CTSO: variants seen among roughly 807,000 people sequenced by gnomAD.
CTSO encodes cathepsin O.
In CTSO, 40 loss-of-function variants were observed where a neutral mutation model predicts 42.4. The ratio of observed to expected loss-of-function variants is 0.94; its 90% confidence interval spans 0.73 to 1.23. CTSO has a LOEUF of 1.23. Among genes scored for constraint, CTSO ranks in the 50% most tolerant of loss-of-function variants. The pLI, the probability that CTSO is intolerant of heterozygous loss-of-function variation, is 0.00. For synonymous variants in CTSO, 156 were observed against 146.2 expected (o/e 1.07, Z -0.48); for missense variants, 441 against 396.0 (o/e 1.11, Z -0.96).
In CTSO at chr4:155,936,922, T is replaced by C. The variant is rs146464162; in HGVS notation, c.674+440A>G. Among the ~76,000 whole-genome samples the C allele has an allele frequency of 1.1e-4, 17 of 152,332 alleles. No homozygotes were observed. In the East Asian group the frequency reaches 2.9e-3, roughly 26 times the overall value. On this transcript the variant is annotated intron_variant, in intron 5 of 7. Coordinates refer to ENST00000433477, the MANE Select transcript of CTSO (RefSeq NM_001334.3). ...GGTGTTCAAAATATGCTTCCTGATATGTAGCCTACGTGATATTAGCTGCAC... is the reference window on the plus strand; with the variant it reads ...GGTGTTCAAAATATGCTTCCTGATACGTAGCCTACGTGATATTAGCTGCAC...
chr4:155,926,075 G>A lies in CTSO; in HGVS notation c.932-5C>T. 6.8e-7 allele frequency: 1 copy of A among 1,480,860 alleles called. No homozygotes were observed. The highest frequency in any genetic ancestry group is 9.1e-7 in the Non-Finnish European group (1 of 1,104,308). The allele number at this position is 1,480,860 out of a possible 1,614,324, so 91.7% of individuals were successfully genotyped here. ...AAGAAACGGAATCTGCAATACCTAAGGGAAAAAAAAGGAATTATTAGTCTA... is the reference window on the plus strand; with the variant it reads ...AAGAAACGGAATCTGCAATACCTAAAGGAAAAAAAAGGAATTATTAGTCTA... On this transcript the variant is annotated splice_polypyrimidine_tract_variant and splice_region_variant and intron_variant, in intron 7 of 7. Coordinates refer to ENST00000433477, the MANE Select transcript of CTSO (RefSeq NM_001334.3).
At chr4:155,931,146 C>A (rs952735261) in intron 5 of CTSO, among the ~76,000 whole-genome samples, 2 of 152,134 alleles carry the variant, frequency 1.3e-5, no homozygotes, top group African/African-American at 4.8e-5. Context: ...TCCCTCATTT[C>A]TAACTTATCT....
chr4:155,946,431 C>T (rs562382382), intron 1 of CTSO, among the ~76,000 whole-genome samples: 1 of 152,096 alleles, frequency 6.6e-6, no homozygotes, highest in African/African-American at 2.4e-5. Context: ...ATGATGATTC[C>T]AATAACAGTT....
chr4:155,953,427 G>A (rs543136551), intron 1 of CTSO, among the ~76,000 whole-genome samples: 1 of 152,204 alleles, frequency 6.6e-6, no homozygotes, highest in Non-Finnish European at 1.5e-5. Context: ...CACTTTGGAC[G>A]TATCTATGGA....
chr4:155,952,933 T>C lies in CTSO; in HGVS notation c.135+780A>G, dbSNP rs930492260. Among the ~76,000 whole-genome samples, 3 of 152,300 alleles carry C rather than the reference T, an allele frequency of 2.0e-5. No individual in the cohort carries two copies. The East Asian group carries it at 5.8e-4, about 29-fold the overall frequency. ...TAAATAGTATCAGCTATCTAGAACA[T>C]AGTGAGGCGAACACTAAATCGGCAT... On this transcript the variant is annotated intron_variant, in intron 1 of 7. Coordinates refer to ENST00000433477, the MANE Select transcript of CTSO (RefSeq NM_001334.3).
At chr4:155,942,517 T>A in intron 2 of CTSO, 61 bp from the exon 3 acceptor site, 1 of 724,858 alleles carries the variant, frequency 1.4e-6, no homozygotes, top group Non-Finnish European at 1.8e-6. Flanking sequence ...TTATATTATA[T>A]ATATCATATA....
In CTSO at chr4:155,937,346, A is replaced by G; in HGVS notation, c.674+16T>C. ...AAAAATGTATAAAGAAAAACATAAT[A>G]CAATAAGATCTTTACCTGAAGTCAT... is the stretch of plus-strand genomic sequence containing the variant. On this transcript the variant is annotated intron_variant, in intron 5 of 7. Coordinates refer to ENST00000433477, the MANE Select transcript of CTSO (RefSeq NM_001334.3). 1.3e-6 allele frequency: 2 copies of G among 1,583,978 alleles called. No individual in the cohort carries two copies. The highest frequency in any genetic ancestry group is 1.1e-5 in the South Asian group (1 of 88,372).
chr4:155,929,815 G>T, intron 5 of CTSO, 110 bp from the exon 6 acceptor site: 1 of 1,011,528 alleles, frequency 9.9e-7, no homozygotes, highest in South Asian at 1.8e-5. Flanking sequence ...CAGTTACAAA[G>T]GACCTAAACA....
chr4:155,944,955 T>TAA lies in CTSO; in HGVS notation c.136-1693_136-1692dup, dbSNP rs34358651. Among the ~76,000 whole-genome samples the TAA allele has an allele frequency of 4.9e-3, 574 of 117,566 alleles. 5 individuals are homozygous for TAA. The highest frequency in any genetic ancestry group is 5.6e-3 in the African/African-American group (171 of 30,490). The allele number at this position is 117,566 out of a possible 152,430, so 77.1% of individuals were successfully genotyped here. On this transcript the variant is annotated intron_variant, in intron 1 of 7. Transcript: ENST00000433477. ...CACAGGAATTGCTCCTGTGATTGAT[T>TAA]AAAAAAAAAAAAAAAAAAAGCCTGG...
At chr4:155,943,630 C>T (rs1743480254) in intron 1 of CTSO, among the ~76,000 whole-genome samples, 1 of 152,082 alleles carries the variant, frequency 6.6e-6, no homozygotes, top group Admixed American at 6.6e-5. Context: ...TAGACATTCA[C>T]TCATGTGGTT....
At chr4:155,930,940 G>A (rs1743223980) in intron 5 of CTSO, among the ~76,000 whole-genome samples, 1 of 152,030 alleles carries the variant, frequency 6.6e-6, no homozygotes, top group Non-Finnish European at 1.5e-5. Flanking sequence ...ATTTTTAAAA[G>A]GCATCATGAT....
At chr4:155,935,175 C>T (rs1025727933) in intron 5 of CTSO, among the ~76,000 whole-genome samples, 3 of 152,266 alleles carry the variant, frequency 2.0e-5, no homozygotes, top group South Asian at 2.1e-4. Context: ...TTGCTTCTTC[C>T]TCATTTTCTC....
Position 155,947,584 on chromosome 4 carries a change from A to G in CTSO, c.136-4320T>C, listed in dbSNP as rs576459222. 1.4e-3 allele frequency among the ~76,000 whole-genome samples: 218 copies of G among 152,346 alleles called. 1 individual carries two copies. Among genetic ancestry groups the G allele is most frequent in the African/African-American group, 5.0e-3 (207 of 41,576 alleles). On this transcript the variant is annotated intron_variant, in intron 1 of 7. Coordinates refer to ENST00000433477, the MANE Select transcript of CTSO (RefSeq NM_001334.3). The stretch of plus-strand genomic sequence containing the variant: ...TTATTTATTGTCTTGTTTGCTATAC[A>G]CTTATCAAGTTCACTAACATGGGTT...
chr4:155,942,618 T>C (rs976965848), intron 2 of CTSO, among the ~76,000 whole-genome samples, 162 bp from the exon 3 acceptor site: 1 of 151,176 alleles, frequency 6.6e-6, no homozygotes, highest in African/African-American at 2.4e-5. Flanking sequence ...TTATATTATA[T>C]CCTTGAGATT....
In CTSO at chr4:155,937,284, TCAAA is replaced by T. The variant is rs1194270185; in HGVS notation, c.674+74_674+77del. 22 of 1,227,454 alleles carry T rather than the reference TCAAA, an allele frequency of 1.8e-5. No individual in the cohort carries two copies. In the Admixed American group the frequency reaches 3.0e-4, roughly 17 times the overall value. 76.0% of individuals were successfully genotyped at this position (1,227,454 alleles called of 1,614,324 possible). ...GGATTAAGAGTATGCAGTGATGCCT[TCAAA>T]CAAATTATTAACCAGTCAATAGATC... On this transcript the variant is annotated intron_variant, in intron 5 of 7. Coordinates refer to ENST00000433477, the MANE Select transcript of CTSO (RefSeq NM_001334.3).
At chr4:155,947,751 T>C (rs144481421) in intron 1 of CTSO, among the ~76,000 whole-genome samples, 155 of 152,306 alleles carry the variant, frequency 1.0e-3, no homozygotes, top group African/African-American at 3.7e-3. Flanking sequence ...ATGAGGCCCT[T>C]GCTGCTCATT....
At chr4:155,946,839 C>G (rs1303533159) in intron 1 of CTSO, among the ~76,000 whole-genome samples, 1 of 152,156 alleles carries the variant, frequency 6.6e-6, no homozygotes, top group Non-Finnish European at 1.5e-5. Flanking sequence ...TTGGAGGCTT[C>G]TGAACACAGC....
intron 4 of CTSO, among the ~76,000 whole-genome samples, chr4:155,937,994 C>A (rs1193847163): frequency 2.0e-5 from 3 of 152,190 alleles, no homozygotes; most frequent in Admixed American, 6.5e-5. Context: ...GAGTCAATAT[C>A]TTTCCTTCTC....
chr4:155,952,367 T>TA (rs1288277538), intron 1 of CTSO, among the ~76,000 whole-genome samples: 1 of 152,114 alleles, frequency 6.6e-6, no homozygotes, highest in African/African-American at 2.4e-5. Flanking sequence ...AAATAAATGT[T>TA]AAAAATATAT....
Sources: allele counts gnomAD v4.1 joint callset (sites outside exome capture counted in the v4.1 genomes callset), GRCh38; gene constraint gnomAD v4.1.1; transcripts MANE v1.5; gene names NCBI Gene and HGNC (gene_info 2026-07-23, HGNC 2026-07-21).